The following GPC5 variants were observed in gnomAD, a reference collection of about 807,000 sequenced individuals.
GPC5 encodes glypican-5.
A neutral mutation model predicts 53.9 loss-of-function variants in GPC5; 47 were observed. The observed-to-expected ratio is 0.87, with a 90% CI of 0.69 to 1.11. The LOEUF (loss-of-function observed/expected upper bound fraction) is 1.11. GPC5 is among the 50% of genes most tolerant of loss of function. The pLI, the probability that GPC5 is intolerant of heterozygous loss-of-function variation, is 0.00. For synonymous variants in GPC5, 286 were observed against 263.3 expected (o/e 1.09, Z -0.84); for missense variants, 748 against 713.1 (o/e 1.05, Z -0.56).
intron 2 of GPC5, among the ~76,000 whole-genome samples, chr13:91,570,476 A>G (rs1422049753): frequency 1.3e-5 from 2 of 152,200 alleles, no homozygotes; most frequent in Admixed American, 6.5e-5. Flanking sequence ...TTGGTTAGGG[A>G]TACTCAACCT....
chr13:92,206,519 G>GT (rs2042339156), intron 7 of GPC5, among the ~76,000 whole-genome samples: 1 of 151,742 alleles, frequency 6.6e-6, no homozygotes, highest in Admixed American at 6.6e-5. Flanking sequence ...TTGTTCCTTG[G>GT]TTTACCATTA....
intron 2 of GPC5, among the ~76,000 whole-genome samples, chr13:91,570,185 G>A (rs1184089805): frequency 6.6e-6 from 1 of 152,040 alleles, no homozygotes; most frequent in East Asian, 1.9e-4. Context: ...CCGACAAATA[G>A]ACATCAGAAA....
chr13:91,441,260 T>C (rs1401676104), intron 1 of GPC5, among the ~76,000 whole-genome samples: 1 of 152,186 alleles, frequency 6.6e-6, no homozygotes, highest in African/African-American at 2.4e-5. Flanking sequence ...TTTTTGGACA[T>C]GTAAGGTTTA....
At chr13:91,751,500 G>A (rs750420303) in intron 4 of GPC5, among the ~76,000 whole-genome samples, 11 of 152,192 alleles carry the variant, frequency 7.2e-5, no homozygotes, top group Admixed American at 1.3e-4. Flanking sequence ...CAGAATGACA[G>A]GGCAGCCTTC....
At chr13:91,436,238 G>A (rs1879941363) in intron 1 of GPC5, among the ~76,000 whole-genome samples, 1 of 152,018 alleles carries the variant, frequency 6.6e-6, no homozygotes, top group African/African-American at 2.4e-5. Context: ...GCTTTTGAAT[G>A]TGTTTGCTCT....
chr13:91,424,336 C>T (rs1309499947), intron 1 of GPC5, among the ~76,000 whole-genome samples: 1 of 145,406 alleles, frequency 6.9e-6, no homozygotes, highest in African/African-American at 2.5e-5. Context: ...GGTTGGTGGT[C>T]GAAGACTGGC....
chr13:91,907,184 T>C lies in GPC5; in HGVS notation c.1281-753T>C, dbSNP rs1165715325. 5.4e-5 allele frequency among the ~76,000 whole-genome samples: 8 copies of C among 149,326 alleles called. No individual in the cohort carries two copies. The East Asian group carries it at 1.6e-3, about 29-fold the overall frequency. On this transcript the variant is annotated intron_variant, in intron 5 of 7. Coordinates refer to ENST00000377067, the MANE Select transcript of GPC5 (RefSeq NM_004466.6). ...TTTTCCTTCTACTGTTTGTTATTGA[T>C]GTATACTGCCAAATCCCTAATGGAT...
At chr13:91,911,077 A>C (rs1039703250) in intron 6 of GPC5, among the ~76,000 whole-genome samples, 1 of 152,174 alleles carries the variant, frequency 6.6e-6, no homozygotes, top group Non-Finnish European at 1.5e-5. Flanking sequence ...GTAGGCGCAA[A>C]GGTCTTGTGG....
At chr13:92,292,689 A>G (rs1001515082) in intron 7 of GPC5, among the ~76,000 whole-genome samples, 1 of 151,990 alleles carries the variant, frequency 6.6e-6, no homozygotes, top group African/African-American at 2.4e-5. Flanking sequence ...TCAGCAGTTT[A>G]TCTTTGTTTT....
intron 6 of GPC5, among the ~76,000 whole-genome samples, chr13:92,080,362 C>T (rs143853713): frequency 3.3e-5 from 5 of 152,284 alleles, no homozygotes; most frequent in African/African-American, 1.2e-4. Flanking sequence ...CAGCTCCAGA[C>T]ATGTGTATAG....
intron 2 of GPC5, among the ~76,000 whole-genome samples, chr13:91,564,940 G>A (rs1566508924): frequency 1.3e-5 from 2 of 151,176 alleles, no homozygotes; most frequent in East Asian, 2.0e-4. Flanking sequence ...GACTTTTCTA[G>A]GTCATGGTTA....
intron 6 of GPC5, among the ~76,000 whole-genome samples, chr13:92,134,944 A>G (rs1191986900): frequency 6.6e-6 from 1 of 152,134 alleles, no homozygotes; most frequent in Non-Finnish European, 1.5e-5. Flanking sequence ...TGCATCACAT[A>G]CTGCATAATG....
At chr13:92,699,974 G>T (rs1887676646) in intron 7 of GPC5, among the ~76,000 whole-genome samples, 1 of 152,076 alleles carries the variant, frequency 6.6e-6, no homozygotes, top group African/African-American at 2.4e-5. Flanking sequence ...TTCAAATCCT[G>T]GATATCCTTG....
At chr13:92,460,637 A>G (rs1040856974) in intron 7 of GPC5, among the ~76,000 whole-genome samples, 4 of 152,162 alleles carry the variant, frequency 2.6e-5, no homozygotes, top group Non-Finnish European at 5.9e-5. Flanking sequence ...TCACTCTACA[A>G]ATATAGTAGT....
intron 5 of GPC5, among the ~76,000 whole-genome samples, chr13:91,764,964 A>G (rs1399838621): frequency 6.6e-6 from 1 of 152,120 alleles, no homozygotes; most frequent in East Asian, 1.9e-4. Context: ...CTATTTCTCC[A>G]TGTGATGGTA....
chr13:91,918,528 A>G (rs2039681322), intron 6 of GPC5, among the ~76,000 whole-genome samples: 1 of 152,070 alleles, frequency 6.6e-6, no homozygotes, highest in Non-Finnish European at 1.5e-5. Context: ...TGATATCCCA[A>G]TGTCTGCAAG....
intron 5 of GPC5, among the ~76,000 whole-genome samples, chr13:91,856,539 AT>A (rs2038968690): frequency 6.6e-6 from 1 of 151,044 alleles, no homozygotes; most frequent in Non-Finnish European, 1.5e-5. Context: ...TTTAATTTGT[AT>A]TTACACAAAA....
intron 2 of GPC5, among the ~76,000 whole-genome samples, chr13:91,474,754 A>G (rs1446070316): frequency 6.6e-6 from 1 of 152,150 alleles, no homozygotes; most frequent in Admixed American, 6.5e-5. Context: ...AATATAGTTG[A>G]TGAAAAACAT....
chr13:92,538,353 TTTTC>T (rs763827393), intron 7 of GPC5, among the ~76,000 whole-genome samples: 1 of 151,568 alleles, frequency 6.6e-6, no homozygotes, highest in Admixed American at 6.6e-5. Flanking sequence ...TGTCCTACTC[TTTTC>T]TTTCTGTCTC....
Sources: gnomAD v4.1 joint callset for allele counts (sites outside exome capture counted in the v4.1 genomes callset) on GRCh38, gnomAD v4.1.1 for gene constraint, MANE v1.5 for transcripts, NCBI Gene and HGNC (gene_info 2026-07-23, HGNC 2026-07-21) for gene names.